ENG: variants seen among roughly 807,000 people sequenced by gnomAD.
ENG encodes the protein CD105 antigen.
Under a neutral mutation model 71.0 loss-of-function variants are expected in ENG, and 17 were observed. That is an observed-to-expected ratio of 0.24 (90% CI 0.16 to 0.36). ENG has a LOEUF of 0.36. Among genes scored for constraint, ENG ranks in the 10% least tolerant of loss-of-function variants. The probability of loss-of-function intolerance (pLI) is 1.00; values close to 1 mark genes in which losing one functional copy is unlikely to be tolerated. For missense variants in ENG, 749 were observed against 868.3 expected (o/e 0.86, Z 1.73); for synonymous variants, 360 against 366.9 (o/e 0.98, Z 0.21).
chr9:127,825,551 C>G (rs1018094837), intron 5 of ENG, 144 bp downstream of exon 5: 42 of 1,234,212 alleles, frequency 3.4e-5, no homozygotes, highest in Non-Finnish European at 4.6e-5. Flanking sequence ...TAGGAGAAAG[C>G]GACTGTGCTC....
chr9:127,819,864 G>A, intron 9 of ENG, 36 bp downstream of exon 9: 3 of 1,614,170 alleles, frequency 1.9e-6, no homozygotes, highest in Non-Finnish European at 2.5e-6. Context: ...GCACCAACCA[G>A]GCTGGTCCTG....
At chr9:127,833,826 A>G (rs765838848) in intron 2 of ENG, among the ~76,000 whole-genome samples, 12 of 152,238 alleles carry the variant, frequency 7.9e-5, no homozygotes, top group Non-Finnish European at 1.5e-4. Context: ...CTGCCCAGAA[A>G]TATTTCTGTT....
chr9:127,816,639 T>C (rs186411282), intron 13 of ENG: 306 of 246,174 alleles, frequency 1.2e-3, no homozygotes, highest in African/African-American at 6.2e-3. Flanking sequence ...CATCCTGGCC[T>C]GGATGGGGTG....
intron 1 of ENG, among the ~76,000 whole-genome samples, chr9:127,847,842 C>T (rs1831206220): frequency 6.6e-6 from 1 of 152,168 alleles, no homozygotes; most frequent in Admixed American, 6.5e-5. Flanking sequence ...CCAGCCCAGC[C>T]ACTGCCCCCA....
chr9:127,828,497 G>A (rs1830681603), intron 3 of ENG, among the ~76,000 whole-genome samples: 1 of 152,188 alleles, frequency 6.6e-6, no homozygotes. Flanking sequence ...GCCAGAGCCG[G>A]CGGCTACTGC....
In ENG at chr9:127,816,170, T is replaced by G. The variant is rs1030031854; in HGVS notation, c.1742-117A>C. On this transcript the variant is annotated intron_variant, in intron 13 of 14. Coordinates refer to ENST00000373203, the MANE Select transcript of ENG (RefSeq NM_001114753.3). ...TCTGCTCAGCCATGGACCCTCGACTTCTCTGAACCTCAGTCTCCTCTTGCA... is the reference window on the plus strand; with the variant it reads ...TCTGCTCAGCCATGGACCCTCGACTGCTCTGAACCTCAGTCTCCTCTTGCA... 4.2e-5 allele frequency: 53 copies of G among 1,264,020 alleles called. No individual in the cohort carries two copies. The African/African-American group carries it at 7.6e-4, about 18-fold the overall frequency. The allele number at this position is 1,264,020 out of a possible 1,614,324, so 78.3% of individuals were successfully genotyped here.
Position 127,818,921 on chromosome 9 carries a change from T to C in ENG, c.1312-89A>G, listed in dbSNP as rs368860189. On this transcript the variant is annotated intron_variant, in intron 10 of 14. Coordinates refer to ENST00000373203, the MANE Select transcript of ENG (RefSeq NM_001114753.3). ...TGGGGAGGAACAGGCATCATGGCCC[T>C]GTGGAGTTGCCTGACTCTCTTTTTT... 3.6e-5 allele frequency: 39 copies of C among 1,098,160 alleles called. No homozygotes were observed. The African/African-American group carries it at 4.9e-4, about 14-fold the overall frequency. The allele number at this position is 1,098,160 out of a possible 1,614,324, so 68.0% of individuals were successfully genotyped here. A position where few individuals can be genotyped will look rare whatever the true frequency, so the allele number is the denominator to read the frequency against.
Position 127,824,452 on chromosome 9 carries a change from G to A in ENG, c.992-6C>T, listed in dbSNP as rs756890201. ...TGAGGTCTGCAGCCTACCACCTGTGGGGTAGCAGAGGCAGGCCAGGCGGCT... is the reference window on the plus strand; with the variant it reads ...TGAGGTCTGCAGCCTACCACCTGTGAGGTAGCAGAGGCAGGCCAGGCGGCT... On this transcript the variant is annotated splice_polypyrimidine_tract_variant and splice_region_variant and intron_variant, in intron 7 of 14. Transcript: ENST00000373203. 1.2e-6 allele frequency: 2 copies of A among 1,613,934 alleles called. No homozygotes were observed. Among genetic ancestry groups the A allele is most frequent in the Non-Finnish European group, 1.7e-6 (2 of 1,179,944 alleles).
chr9:127,831,726 C>T (rs1333843706), intron 2 of ENG, among the ~76,000 whole-genome samples: 9 of 147,038 alleles, frequency 6.1e-5, no homozygotes, highest in African/African-American at 2.0e-4. Context: ...GGGTCTTGCT[C>T]TGTCACCCAG....
intron 1 of ENG, among the ~76,000 whole-genome samples, chr9:127,843,616 G>C (rs572757037): frequency 6.7e-6 from 1 of 148,956 alleles, no homozygotes; most frequent in Non-Finnish European, 1.5e-5. Context: ...GGATTTCACT[G>C]GGCCCCATGT....
Position 127,829,668 on chromosome 9 carries a change from T to C in ENG, c.360+19A>G. On this transcript the variant is annotated intron_variant, in intron 3 of 14. Transcript: ENST00000373203. ...CCATGGCCAGAGCCTCAGCCTGGGG[T>C]TGGAGGGAACACACTCACGTAGGCC... 1 of 1,613,206 alleles carries C rather than the reference T, an allele frequency of 6.2e-7. No individual in the cohort carries two copies. The highest frequency in any genetic ancestry group is 1.1e-5 in the South Asian group (1 of 90,918).
Position 127,847,096 on chromosome 9 carries a change from G to T in ENG, c.68-3851C>A, listed in dbSNP as rs149536427. 3.2e-4 allele frequency: 78 copies of T among 245,994 alleles called. No homozygotes were observed. In the East Asian group the frequency reaches 7.8e-3, roughly 24 times the overall value. The allele number at this position is 245,994 out of a possible 1,614,324, so 15.2% of individuals were successfully genotyped here. A position where few individuals can be genotyped will look rare whatever the true frequency, so the allele number is the denominator to read the frequency against. Reference sequence around the variant, plus strand: ...CAGACCACCAATAATCACTGCAGATGCTCCCATCATGCTTACTGGGAGCCT... The same window carrying T: ...CAGACCACCAATAATCACTGCAGATTCTCCCATCATGCTTACTGGGAGCCT... On this transcript the variant is annotated intron_variant, in intron 1 of 14. Transcript: ENST00000373203.
At chr9:127,831,483 G>A (rs1333997291) in intron 2 of ENG, among the ~76,000 whole-genome samples, 1 of 151,612 alleles carries the variant, frequency 6.6e-6, no homozygotes. Flanking sequence ...CGCGTACCAG[G>A]TTCAATTCAT....
chr9:127,853,768 C>T (rs1461676613), intron 1 of ENG, among the ~76,000 whole-genome samples: 9 of 152,226 alleles, frequency 5.9e-5, no homozygotes, highest in African/African-American at 1.9e-4. Flanking sequence ...GATCCCTCAC[C>T]ACCCACCTCC....
chr9:127,840,748 T>C (rs1211375854), intron 2 of ENG, among the ~76,000 whole-genome samples: 2 of 152,188 alleles, frequency 1.3e-5, no homozygotes. Context: ...TACCACCTCC[T>C]CAAATGAACA....
chr9:127,837,523 C>T (rs1359774205), intron 2 of ENG, among the ~76,000 whole-genome samples: 1 of 152,178 alleles, frequency 6.6e-6, no homozygotes, highest in Non-Finnish European at 1.5e-5. Flanking sequence ...GTCTGAGAGG[C>T]TGGCACTGGG....
chr9:127,854,247 C>T (rs1464278361), intron 1 of ENG, 42 bp downstream of exon 1: 1 of 1,552,228 alleles, frequency 6.4e-7, no homozygotes, highest in Non-Finnish European at 8.7e-7. Context: ...GGTCCGTGCA[C>T]CGGAGGCCGA....
chr9:127,832,624 T>C (rs1830793023), intron 2 of ENG: 1 of 152,210 alleles, frequency 6.6e-6, no homozygotes. Context: ...CCTAGCTCAC[T>C]GTTTCTTTTT....
intron 3 of ENG, among the ~76,000 whole-genome samples, chr9:127,828,971 A>C (rs1025445096): frequency 2.6e-5 from 4 of 151,950 alleles, no homozygotes; most frequent in African/African-American, 9.7e-5. Context: ...CTCATGGAGG[A>C]GGCAGTGCTG....
Sources: gnomAD v4.1 joint callset for allele counts (sites outside exome capture counted in the v4.1 genomes callset) on GRCh38, gnomAD v4.1.1 for gene constraint, MANE v1.5 for transcripts, NCBI Gene and HGNC (gene_info 2026-07-23, HGNC 2026-07-21) for gene names.